Variants in TNC observed in about 807,000 individuals in gnomAD.
The protein encoded by TNC is tenascin.
TNC carries 109 observed loss-of-function variants against 202.4 expected under a neutral mutation model. The observed-to-expected ratio is 0.54, with a 90% confidence interval of 0.46 to 0.63. The LOEUF is 0.63. Among genes scored for constraint, TNC ranks in the 30% least tolerant of loss-of-function variants. The pLI is 0.00. For synonymous variants in TNC, 1,007 were observed against 1,089.7 expected (o/e 0.92, Z 1.50); for missense variants, 2,756 against 2,833.3 (o/e 0.97, Z 0.62).
intron 15 of TNC, among the ~76,000 whole-genome samples, chr9:115,049,906 A>G (rs1238072249): frequency 4.6e-5 from 7 of 152,136 alleles, no homozygotes; most frequent in African/African-American, 1.7e-4. Context: ...TTCATTTTGT[A>G]AATAGAGATT....
At chr9:115,056,838 A>G (rs113577495) in intron 15 of TNC, among the ~76,000 whole-genome samples, 168 of 152,352 alleles carry the variant, frequency 1.1e-3, no homozygotes, top group Non-Finnish European at 2.2e-3. Flanking sequence ...AGTCAAGAAC[A>G]GGTCTAGTTA....
At chr9:115,022,151 A>T (rs1051376889) in intron 27 of TNC, among the ~76,000 whole-genome samples, 1 of 152,242 alleles carries the variant, frequency 6.6e-6, no homozygotes, top group African/African-American at 2.4e-5. Flanking sequence ...GGCTAGTGAG[A>T]TGGGAAAAAA....
chr9:115,031,395 CCCA>C (rs1301343519), intron 23 of TNC, among the ~76,000 whole-genome samples, 155 bp downstream of exon 23: 1 of 152,192 alleles, frequency 6.6e-6, no homozygotes, highest in African/African-American at 2.4e-5. Context: ...CTCATAATCT[CCCA>C]CATTTGCTTT....
At chr9:115,109,187 C>A (rs1836851848) in intron 1 of TNC, among the ~76,000 whole-genome samples, 1 of 152,166 alleles carries the variant, frequency 6.6e-6, no homozygotes. Context: ...AACTGCTTCT[C>A]TAGTGGGATC....
At chr9:115,117,195 C>G (rs1275040375) in intron 1 of TNC, among the ~76,000 whole-genome samples, 1 of 152,210 alleles carries the variant, frequency 6.6e-6, no homozygotes, top group Non-Finnish European at 1.5e-5. Flanking sequence ...ATTCCTCTTA[C>G]AACACTGATG....
In TNC at chr9:115,077,974, T is replaced by C. The variant is rs761576910; in HGVS notation, c.2643A>G (p.Ser881=). The change falls in exon 7 of 28, where the codon TCA becomes TCG. Residue 881 remains serine (S), a synonymous_variant. Coordinates refer to ENST00000350763, the MANE Select transcript of TNC (RefSeq NM_002160.4). ...VSLISRRGDM[S]SNPAKETFTT... Reference sequence around the variant, plus strand: ...TGAAGGTCTCTTTGGCTGGGTTGCTTGACATGTCACCTCTGCGGGAGATGA... The same window carrying C: ...TGAAGGTCTCTTTGGCTGGGTTGCTCGACATGTCACCTCTGCGGGAGATGA... 1.2e-5 allele frequency: 20 copies of C among 1,614,070 alleles called. No homozygotes were observed. In the Admixed American group the frequency reaches 2.2e-4, roughly 17 times the overall value.
chr9:115,107,880 T>C (rs775779780), intron 1 of TNC, among the ~76,000 whole-genome samples: 78 of 152,202 alleles, frequency 5.1e-4, no homozygotes, highest in Admixed American at 9.8e-4. Context: ...CACCAAAATA[T>C]TTGACCTCTG....
At chr9:115,066,993 A>G (rs1833005057) in intron 10 of TNC, among the ~76,000 whole-genome samples, 1 of 152,226 alleles carries the variant, frequency 6.6e-6, no homozygotes, top group African/African-American at 2.4e-5. Flanking sequence ...ACCCCGACTC[A>G]TATCCTAAAG....
chr9:115,028,607 C>G (rs1829689968), intron 25 of TNC, among the ~76,000 whole-genome samples: 1 of 151,832 alleles, frequency 6.6e-6, no homozygotes, highest in Admixed American at 6.6e-5. Flanking sequence ...ATCTTGGGAC[C>G]CCAATTTAAC....
In TNC at chr9:115,086,000, C is replaced by T. The variant is rs749376247; in HGVS notation, c.1731G>A (p.Gln577=). 1.9e-6 allele frequency: 3 copies of T among 1,613,850 alleles called. No individual in the cohort carries two copies. Among genetic ancestry groups the T allele is most frequent in the Non-Finnish European group, 2.5e-6 (3 of 1,179,948 alleles). Residue 577 remains glutamine (Q), a synonymous_variant, in exon 3 of 28, where the codon CAG becomes CAA. Transcript: ENST00000350763. ...CHGQGRCVDG[Q]CICHEGFTGL... ...CTGTGAAGCCCTCGTGGCAGATGCA[C>T]TGGCCGTCCACGCAGCGGCCCTGGC...
In TNC at chr9:115,087,180, T is replaced by C. The variant is rs778574555; in HGVS notation, c.551A>G (p.Asn184Ser). The C allele has an allele frequency of 2.0e-5, 32 of 1,614,074 alleles. No individual in the cohort carries two copies. The highest frequency in any genetic ancestry group is 1.9e-5 in the Non-Finnish European group (22 of 1,180,054). Reference protein sequence around the residue: ...CVCEPGWKGPNCSEPECPGNC... With the variant: ...CVCEPGWKGPSCSEPECPGNC... The stretch of plus-strand genomic sequence containing the variant: ...GCCTGGACATTCGGGCTCAGAGCAG[T>C]TGGGGCCTTTCCAGCCAGGTTCGCA... The change falls in exon 3 of 28, where the codon AAC (asparagine) becomes AGC (serine). Residue 184 changes from asparagine to serine, a missense_variant. Coordinates refer to ENST00000350763, the MANE Select transcript of TNC (RefSeq NM_002160.4).
intron 4 of TNC, among the ~76,000 whole-genome samples, chr9:115,083,567 A>G (rs1222595347): frequency 6.8e-6 from 1 of 147,310 alleles, no homozygotes; most frequent in African/African-American, 2.5e-5. Flanking sequence ...AATAGCTCCT[A>G]TTTCATACAT....
chr9:115,047,340 T>C (rs1831281739), intron 16 of TNC, among the ~76,000 whole-genome samples: 1 of 151,608 alleles, frequency 6.6e-6, no homozygotes, highest in African/African-American at 2.4e-5. Context: ...TGCTACATAC[T>C]GTGGACCCAG....
rs139627533 is a variant in TNC, at chr9:115,073,322, A to G, written c.3214+281T>C. 3.6e-3 allele frequency among the ~76,000 whole-genome samples: 542 copies of G among 152,326 alleles called. 3 individuals carry two copies. The highest frequency in any genetic ancestry group is 0.013 in the African/African-American group (522 of 41,576). On this transcript the variant is annotated intron_variant, in intron 10 of 27. Coordinates refer to ENST00000350763, the MANE Select transcript of TNC (RefSeq NM_002160.4). The stretch of plus-strand genomic sequence containing the variant: ...GCACAGTTAAGAAAAGAAAACAAAA[A>G]TCATAGGTAAATGCAAACACAAACC...
At chr9:115,034,087 A>C in intron 22 of TNC, among the ~76,000 whole-genome samples, 1 of 152,246 alleles carries the variant, frequency 6.6e-6, no homozygotes, top group East Asian at 1.9e-4. Flanking sequence ...AGTCTAAATG[A>C]CTGCCCTTTC....
chr9:115,046,767 A>C, intron 16 of TNC, 85 bp from the exon 17 acceptor site: 3 of 1,489,426 alleles, frequency 2.0e-6, no homozygotes. Context: ...TAGGGGTATC[A>C]ATATGTAGTG....
chr9:115,060,168 G>A (rs953674446), intron 13 of TNC, among the ~76,000 whole-genome samples, 166 bp from the exon 14 acceptor site: 3 of 152,102 alleles, frequency 2.0e-5, no homozygotes, highest in Admixed American at 6.5e-5. Context: ...CCTGGCCACA[G>A]TTGTCTTCAG....
At chr9:115,071,171 T>G (rs1833441743) in intron 10 of TNC, among the ~76,000 whole-genome samples, 1 of 152,232 alleles carries the variant, frequency 6.6e-6, no homozygotes, top group African/African-American at 2.4e-5. Flanking sequence ...ACTGAGTGAA[T>G]GCAGAAGGCT....
rs775175157 is a variant in TNC at position 115,086,341 on chromosome 9, C to A, written c.1390G>T (p.Asp464Tyr). The A allele has an allele frequency of 6.2e-7, 1 of 1,614,216 alleles. No homozygotes were observed. Among genetic ancestry groups the A allele is most frequent in the East Asian group, 2.2e-5 (1 of 44,888 alleles). ...TTAGGGCAGCTCATGTCACTGCAGT[C>A]ATAGCCCTTGAAGCCTTGCTCACAT... The part of the protein sequence containing the change: ...CVCEQGFKGY[D>Y]CSDMSCPNDC... Residue 464 changes from aspartate to tyrosine, a missense_variant, in exon 3 of 28, where the codon GAC becomes TAC. Asp to Tyr is a radical substitution (Grantham distance 160). Coordinates refer to ENST00000350763, the MANE Select transcript of TNC (RefSeq NM_002160.4).
Sources: gnomAD v4.1 joint callset for allele counts (sites outside exome capture counted in the v4.1 genomes callset) on GRCh38, gnomAD v4.1.1 for gene constraint, MANE v1.5 for transcripts, NCBI Gene and HGNC (gene_info 2026-07-23, HGNC 2026-07-21) for gene names.